ECPAS: variants seen among roughly 807,000 people sequenced by gnomAD.
ECPAS encodes the protein Ecm29 proteasome adaptor and scaffold, also known as proteasome adapter and scaffold protein ECM29.
ECPAS carries 70 observed loss-of-function variants against 255.1 expected under a neutral mutation model. The ratio of observed to expected loss-of-function variants is 0.27; its 90% CI spans 0.23 to 0.33. The LOEUF is 0.33. Ranked by LOEUF, ECPAS falls within the 10% of genes least tolerant of loss-of-function variation. The pLI is 1.00. For synonymous variants in ECPAS, 784 were observed against 775.0 expected (o/e 1.01, Z -0.19); for missense variants, 1,817 against 2,206.4 (o/e 0.82, Z 3.54).
At chr9:111,470,028 C>T (rs1223484764) in intron 2 of ECPAS, among the ~76,000 whole-genome samples, 1 of 152,102 alleles carries the variant, frequency 6.6e-6, no homozygotes, top group African/African-American at 2.4e-5. Flanking sequence ...CATCAAGGTT[C>T]CTGCAGGAGC....
intron 2 of ECPAS, among the ~76,000 whole-genome samples, chr9:111,465,329 C>CA (rs1355054175): frequency 1.3e-5 from 2 of 152,040 alleles, no homozygotes; most frequent in Admixed American, 6.5e-5. Flanking sequence ...CACCTGAGGT[C>CA]AGGAGTTTGA....
chr9:111,430,150 C>G (rs1015768379), intron 9 of ECPAS, among the ~76,000 whole-genome samples: 3 of 152,164 alleles, frequency 2.0e-5, no homozygotes, highest in African/African-American at 7.2e-5. Context: ...GAAAACTACA[C>G]AAAATTCAAA....
intron 2 of ECPAS, among the ~76,000 whole-genome samples, chr9:111,454,586 C>T (rs2098264551): frequency 6.6e-6 from 1 of 152,264 alleles, no homozygotes; most frequent in Non-Finnish European, 1.5e-5. Context: ...GTGAATCAAT[C>T]TAACACTGTT....
At chr9:111,400,124 G>C (rs2098173549) in intron 24 of ECPAS, among the ~76,000 whole-genome samples, 1 of 152,240 alleles carries the variant, frequency 6.6e-6, no homozygotes, top group Admixed American at 6.5e-5. Flanking sequence ...CCCAGAGAAT[G>C]TTCCCTTATC....
At position 111,413,970 on chromosome 9, in the gene ECPAS, G is replaced by A. The variant is rs181657533; in HGVS notation, c.2004C>T (p.Tyr668=). The part of the protein sequence containing the change: ...LAGVGGLPVM[Y]CLLEAVSVYP... ...ACACTGACACAGCTTCCAATAGACA[G>A]TACATAACCGGCAAACCTAAATAAG... The change falls in exon 20 of 50, where the codon TAC becomes TAT. Residue 668 remains tyrosine, a synonymous_variant. Coordinates refer to ENST00000684092, the MANE Select transcript of ECPAS (RefSeq NM_001364929.1). 2.5e-6 allele frequency: 4 copies of A among 1,581,026 alleles called. No homozygotes were observed. Among genetic ancestry groups the A allele is most frequent in the Admixed American group, 1.8e-5 (1 of 55,172 alleles).
chr9:111,371,556 T>C (rs2098127323), intron 43 of ECPAS, 65 bp downstream of exon 43: 2 of 1,388,578 alleles, frequency 1.4e-6, no homozygotes, highest in Non-Finnish European at 2.0e-6. Context: ...ACCAGATCGT[T>C]ACTATTATGC....
At chr9:111,479,808 G>C (rs1344233885) in intron 1 of ECPAS, among the ~76,000 whole-genome samples, 1 of 151,776 alleles carries the variant, frequency 6.6e-6, no homozygotes, top group African/African-American at 2.4e-5. Context: ...GTGAAACCTC[G>C]TCTCTACTAA....
At position 111,472,888 on chromosome 9, in the gene ECPAS, T is replaced by C; in HGVS notation, c.22+9A>G. On this transcript the variant is annotated intron_variant, in intron 2 of 49. Transcript: ENST00000684092. ...AATGCACACATCCTAAGGAACTAAA[T>C]CTACTAACCTCTACAATCAATGTGA... 8 of 1,135,704 alleles carry C rather than the reference T, an allele frequency of 7.0e-6. No individual in the cohort carries two copies. Among genetic ancestry groups the C allele is most frequent in the Non-Finnish European group, 8.0e-6 (7 of 873,016 alleles). The allele number at this position is 1,135,704 out of a possible 1,614,324, so 70.4% of individuals were successfully genotyped here. A position where few individuals can be genotyped will look rare whatever the true frequency, so the allele number is the denominator to read the frequency against.
chr9:111,405,164 T>C (rs577266293), intron 24 of ECPAS, among the ~76,000 whole-genome samples: 2 of 149,572 alleles, frequency 1.3e-5, no homozygotes, highest in African/African-American at 5.1e-5. Flanking sequence ...CTTCAAAATA[T>C]ATTACAAAGC....
At chr9:111,368,049 C>CAA (rs559294765) in intron 46 of ECPAS, among the ~76,000 whole-genome samples, 5,895 of 141,860 alleles carry the variant, frequency 0.042, 435 homozygotes, top group African/African-American at 0.14. Context: ...AAAAAACAAA[C>CAA]AAAAAAAAAA....
At chr9:111,413,805 T>C (rs1474223566) in intron 20 of ECPAS, 90 bp downstream of exon 20, 3 of 749,026 alleles carry the variant, frequency 4.0e-6, no homozygotes, top group Non-Finnish European at 6.2e-6. Flanking sequence ...GCAGAAAAGG[T>C]CATAGGGATC....
intron 20 of ECPAS, among the ~76,000 whole-genome samples, chr9:111,412,516 G>C (rs1317291329): frequency 6.6e-6 from 1 of 152,162 alleles, no homozygotes; most frequent in East Asian, 1.9e-4. Context: ...AGCGTGGCTG[G>C]GTTCCAGTAA....
chr9:111,423,094 C>T (rs2098216582), intron 13 of ECPAS, 105 bp downstream of exon 13: 2 of 782,512 alleles, frequency 2.6e-6, no homozygotes, highest in Non-Finnish European at 4.3e-6. Flanking sequence ...TAAATACATT[C>T]CCTTTCAGAA....
intron 31 of ECPAS, among the ~76,000 whole-genome samples, chr9:111,387,101 G>C (rs2098150199): frequency 6.6e-6 from 1 of 152,208 alleles, no homozygotes; most frequent in Non-Finnish European, 1.5e-5. Context: ...CTCATCATCA[G>C]TGCAGTTACT....
chr9:111,411,254 A>G, intron 21 of ECPAS, 112 bp from the exon 22 acceptor site: 2 of 1,107,060 alleles, frequency 1.8e-6, no homozygotes, highest in Non-Finnish European at 1.3e-6. Context: ...ACATAAGGCT[A>G]AAGAATAAAG....
Position 111,406,450 on chromosome 9 carries a change from G to T in ECPAS, c.2652+2121C>A, listed in dbSNP as rs1239208885. ...GTTTTAGTGTTTGGCAGCACAACAGGGCAACAATAGTTAATAAGAATTTAT... is the reference window on the plus strand; with the variant it reads ...GTTTTAGTGTTTGGCAGCACAACAGTGCAACAATAGTTAATAAGAATTTAT... On this transcript the variant is annotated intron_variant, in intron 24 of 49. Transcript: ENST00000684092. Among the ~76,000 whole-genome samples the T allele has an allele frequency of 1.3e-5, 2 of 149,652 alleles. 1 individual carries two copies. The highest frequency in any genetic ancestry group is 4.0e-4 in the East Asian group (2 of 4,950).
chr9:111,414,395 T>C, intron 19 of ECPAS, 34 bp downstream of exon 19: 1 of 1,565,344 alleles, frequency 6.4e-7, no homozygotes, highest in Non-Finnish European at 8.8e-7. Flanking sequence ...GCTTAAGTGC[T>C]TCAGTATCTT....
At position 111,376,509 on chromosome 9, in the gene ECPAS, G is replaced by C; in HGVS notation, c.3987C>G (p.Ala1329=). 6.2e-7 allele frequency: 1 copy of C among 1,600,686 alleles called. No homozygotes were observed. Among genetic ancestry groups the C allele is most frequent in the Non-Finnish European group, 8.5e-7 (1 of 1,173,312 alleles). ...TTGTTTCCATCATTGGAGAAGATTT[G>C]GCAGCACTAAGCCGAGCACTATCCA... The part of the protein sequence containing the change: ...AAMDSARLSA[A]KSSPMMETIN... Residue 1329 remains alanine (A), a synonymous_variant, in exon 37 of 50, where the codon GCC becomes GCG. Coordinates refer to ENST00000684092, the MANE Select transcript of ECPAS (RefSeq NM_001364929.1).
At position 111,426,517 on chromosome 9, in the gene ECPAS, G is replaced by C. The variant is rs116857332; in HGVS notation, c.1051-689C>G. Among the ~76,000 whole-genome samples the C allele has an allele frequency of 5.5e-4, 83 of 152,010 alleles. No individual in the cohort carries two copies. The East Asian group carries it at 0.015, about 28-fold the overall frequency. On this transcript the variant is annotated intron_variant, in intron 10 of 49. Coordinates refer to ENST00000684092, the MANE Select transcript of ECPAS (RefSeq NM_001364929.1). ...GCTAGGTACTAAGAGATATAAAAAA[G>C]AACAAGCACTCAATCTTGTTGAAGA...
Sources: allele counts gnomAD v4.1 joint callset (sites outside exome capture counted in the v4.1 genomes callset), GRCh38; gene constraint gnomAD v4.1.1; transcripts MANE v1.5; gene names NCBI Gene and HGNC (gene_info 2026-07-23, HGNC 2026-07-21).